The following OR51Q1 variants were observed in gnomAD, a reference collection of about 807,000 sequenced individuals.
OR51Q1 encodes olfactory receptor family 51 subfamily Q member 1.
For missense variants in OR51Q1, 501 were observed against 397.1 expected (o/e 1.26, Z -2.22); for synonymous variants, 187 against 151.7 (o/e 1.23, Z -1.71).
chr11:5,422,895 C>A lies in OR51Q1; in HGVS notation c.695C>A (p.Thr232Asn). Residue 232 changes from threonine (T) to asparagine (N), a missense_variant, in exon 1 of 1, where the codon ACC becomes AAC. Coordinates refer to ENST00000300778, the MANE Select transcript of OR51Q1 (RefSeq NM_001004757.2). ...CTGAAAAATATCTTGGGCACAGCCA[C>A]CTGGGCTGAGCGACTCCGTGCCCTC... ...LILKNILGTATWAERLRALNN... is the reference protein window; with the variant it reads ...LILKNILGTANWAERLRALNN... The A allele has an allele frequency of 1.2e-6, 2 of 1,614,080 alleles. No individual in the cohort carries two copies. The highest frequency in any genetic ancestry group is 1.1e-5 in the South Asian group (1 of 91,078).
In OR51Q1 at chr11:5,422,163, G is replaced by C; in HGVS notation, c.-38G>C. 2 of 1,423,948 alleles carry C rather than the reference G, an allele frequency of 1.4e-6. No homozygotes were observed. Among genetic ancestry groups the C allele is most frequent in the Non-Finnish European group, 1.9e-6 (2 of 1,037,270 alleles). The allele number at this position is 1,423,948 out of a possible 1,614,324, so 88.2% of individuals were successfully genotyped here. A position where few individuals can be genotyped will look rare whatever the true frequency, so the allele number is the denominator to read the frequency against. On this transcript the variant is annotated 5_prime_UTR_variant, in exon 1 of 1. An upstream open reading frame in the 5' UTR loses its in-frame stop. Coordinates refer to ENST00000300778, the MANE Select transcript of OR51Q1 (RefSeq NM_001004757.2). ...ATTTCTAATGTTTCTTTTTCTCCCT[G>C]AGTGAAGATCCTGAATCTGAAGACA... is the stretch of plus-strand genomic sequence containing the variant.
In OR51Q1 at chr11:5,422,552, C is replaced by T. The variant is rs1167955092; in HGVS notation, c.352C>T (p.Leu118=). 3 of 1,614,154 alleles carry T rather than the reference C, an allele frequency of 1.9e-6. No individual in the cohort carries two copies. The highest frequency in any genetic ancestry group is 2.2e-5 in the South Asian group (2 of 91,072). Reference sequence around the variant, plus strand: ...CTCCTTTATGGAGTCTTCTGTCCTCCTGGCTATGTCCGTTGACTGCTATGT... The same window carrying T: ...CTCCTTTATGGAGTCTTCTGTCCTCTTGGCTATGTCCGTTGACTGCTATGT... ...GFSFMESSVL[L]AMSVDCYVAI... Residue 118 remains leucine, a synonymous_variant, in exon 1 of 1, where the codon CTG becomes TTG. Transcript: ENST00000300778.
chr11:5,423,076 C>T lies in OR51Q1; in HGVS notation c.876C>T (p.Ile292=), dbSNP rs1850381312. ...YLLAPPVMNP[I]IYSVKNKQIQ... ...TGGCACCCCCGGTGATGAACCCCAT[C>T]ATTTACAGTGTAAAGAACAAGCAGA... Residue 292 remains isoleucine, a synonymous_variant, in exon 1 of 1, where the codon ATC becomes ATT. Transcript: ENST00000300778. 1 of 1,614,016 alleles carries T rather than the reference C, an allele frequency of 6.2e-7. No individual in the cohort carries two copies. Among genetic ancestry groups the T allele is most frequent in the Admixed American group, 1.7e-5 (1 of 60,006 alleles).
chr11:5,422,341 C>A lies in OR51Q1; in HGVS notation c.141C>A (p.Ile47=), dbSNP rs545260070. 3.7e-5 allele frequency: 59 copies of A among 1,614,174 alleles called. No individual in the cohort carries two copies. In the South Asian group the frequency reaches 6.3e-4, roughly 17 times the overall value. The change falls in exon 1 of 1, where the codon ATC becomes ATA. Residue 47 remains isoleucine, a synonymous_variant. Transcript: ENST00000300778. ...TCTCCATCATGGGCAATACCACCAT[C>A]CTCACTGTCATTCGCACAGAGCCAT... ...YTISIMGNTT[I]LTVIRTEPSV... is the part of the protein sequence containing the mutation.
chr11:5,423,201 A>C lies in OR51Q1; in HGVS notation c.*47A>C. 1 of 1,485,026 alleles carries C rather than the reference A, an allele frequency of 6.7e-7. No homozygotes were observed. The highest frequency in any genetic ancestry group is 9.0e-7 in the Non-Finnish European group (1 of 1,113,262). 92.0% of individuals were successfully genotyped at this position (1,485,026 alleles called of 1,614,324 possible). A position where few individuals can be genotyped will look rare whatever the true frequency, so the allele number is the denominator to read the frequency against. The stretch of plus-strand genomic sequence containing the variant: ...CTGACAAGTATGAGTCATAGGCTTA[A>C]GGGGGGAATATATTCAGAATTAGGA... On this transcript the variant is annotated 3_prime_UTR_variant, in exon 1 of 1. Transcript: ENST00000300778.
rs762716502 is a variant in OR51Q1 at position 5,423,054 on chromosome 11, C to T, written c.854C>T (p.Ala285Val). ...ATCATGGCCAATATCTACCTGCTGG[C>T]ACCCCCGGTGATGAACCCCATCATT... ...HVIMANIYLL[A>V]PPVMNPIIYS... Residue 285 changes from alanine to valine, a missense_variant, in exon 1 of 1, where the codon GCA becomes GTA. Transcript: ENST00000300778. 2 of 1,613,968 alleles carry T rather than the reference C, an allele frequency of 1.2e-6. No individual in the cohort carries two copies. Among genetic ancestry groups the T allele is most frequent in the South Asian group, 1.1e-5 (1 of 91,072 alleles).
Position 5,422,609 on chromosome 11 carries a change from A to G in OR51Q1, c.409A>G (p.Ile137Val). 3 of 1,614,092 alleles carry G rather than the reference A, an allele frequency of 1.9e-6. No homozygotes were observed. The highest frequency in any genetic ancestry group is 2.5e-6 in the Non-Finnish European group (3 of 1,179,990). ...CTGCTGTCCCCTCCATTATGCCTCC[A>G]TCCTCACCAATGAAGTCATTGGTAG... is the stretch of plus-strand genomic sequence containing the variant. ...AICCPLHYAS[I>V]LTNEVIGRTG... Residue 137 changes from isoleucine (I) to valine (V), a missense_variant, in exon 1 of 1, where the codon ATC (isoleucine) becomes GTC (valine). Coordinates refer to ENST00000300778, the MANE Select transcript of OR51Q1 (RefSeq NM_001004757.2).
In OR51Q1 at chr11:5,422,830, C is replaced by G; in HGVS notation, c.630C>G (p.Ile210Met). The change falls in exon 1 of 1, where the codon ATC becomes ATG. Residue 210 changes from isoleucine to methionine, a missense_variant. Ile to Met is a conservative substitution (Grantham distance 10). Coordinates refer to ENST00000300778, the MANE Select transcript of OR51Q1 (RefSeq NM_001004757.2). ...TTGCTCTTGCCTTGCTCATTATTAT[C>G]GTGGATCCTCTGCTCATTGTGATCT... ...YGFALALLIIIVDPLLIVISY... is the reference protein window; with the variant it reads ...YGFALALLIIMVDPLLIVISY... 2 of 1,614,132 alleles carry G rather than the reference C, an allele frequency of 1.2e-6. No homozygotes were observed. The highest frequency in any genetic ancestry group is 1.7e-6 in the Non-Finnish European group (2 of 1,180,022).
chr11:5,422,935 C>T lies in OR51Q1; in HGVS notation c.735C>T (p.Ser245=), dbSNP rs755190962. The T allele has an allele frequency of 1.2e-6, 2 of 1,614,040 alleles. No homozygotes were observed. The highest frequency in any genetic ancestry group is 1.7e-6 in the Non-Finnish European group (2 of 1,179,962). Reference sequence around the variant, plus strand: ...TCCGTGCCCTCAATAACTGCCTGTCCCACATTCTAGCTGTCCTGGTCCTCT... The same window carrying T: ...TCCGTGCCCTCAATAACTGCCTGTCTCACATTCTAGCTGTCCTGGTCCTCT... The part of the protein sequence containing the change: ...ERLRALNNCL[S]HILAVLVLYI... Residue 245 remains serine (S), a synonymous_variant, in exon 1 of 1, where the codon TCC becomes TCT. Transcript: ENST00000300778.
Position 5,422,868 on chromosome 11 carries a change from T to C in OR51Q1, c.668T>C (p.Ile223Thr), listed in dbSNP as rs1421676563. The change falls in exon 1 of 1, where the codon ATT becomes ACT. Residue 223 changes from isoleucine to threonine, a missense_variant. Ile to Thr is a moderately conservative substitution (Grantham distance 89). Transcript: ENST00000300778. ...PLLIVISYTL[I>T]LKNILGTATW... The stretch of plus-strand genomic sequence containing the variant: ...CTCATTGTGATCTCCTATACACTTA[T>C]TCTGAAAAATATCTTGGGCACAGCC... 6.2e-7 allele frequency: 1 copy of C among 1,614,172 alleles called. No homozygotes were observed. Among genetic ancestry groups the C allele is most frequent in the Admixed American group, 1.7e-5 (1 of 60,022 alleles).
In OR51Q1 at chr11:5,423,030, T is replaced by C. The variant is rs558645887; in HGVS notation, c.830T>C (p.Ile277Thr). 1 of 1,614,084 alleles carries C rather than the reference T, an allele frequency of 6.2e-7. No homozygotes were observed. The highest frequency in any genetic ancestry group is 1.1e-5 in the South Asian group (1 of 91,084). ...CATGCCTCTCCACTGGTCCATGTTA[T>C]CATGGCCAATATCTACCTGCTGGCA... The part of the protein sequence containing the change: ...AKHASPLVHV[I>T]MANIYLLAPP... The change falls in exon 1 of 1, where the codon ATC becomes ACC. Residue 277 changes from isoleucine (I) to threonine (T), a missense_variant. Ile to Thr is a moderately conservative substitution (Grantham distance 89). Transcript: ENST00000300778.
At position 5,422,899 on chromosome 11, in the gene OR51Q1, G is replaced by A; in HGVS notation, c.699G>A (p.Trp233Ter). Residue 233 changes from tryptophan (W) to a stop codon, truncating the protein, a stop_gained, in exon 1 of 1, where the codon TGG (tryptophan) becomes TGA (stop). Coordinates refer to ENST00000300778, the MANE Select transcript of OR51Q1 (RefSeq NM_001004757.2). LOFTEE classifies it low-confidence loss of function (END_TRUNC). The part of the protein sequence containing the change: ...ILKNILGTAT[W>*]AERLRALNNC... Reference sequence around the variant, plus strand: ...AAAATATCTTGGGCACAGCCACCTGGGCTGAGCGACTCCGTGCCCTCAATA... The same window carrying A: ...AAAATATCTTGGGCACAGCCACCTGAGCTGAGCGACTCCGTGCCCTCAATA... 1 of 1,614,026 alleles carries A rather than the reference G, an allele frequency of 6.2e-7. No homozygotes were observed. Among genetic ancestry groups the A allele is most frequent in the Non-Finnish European group, 8.5e-7 (1 of 1,179,996 alleles).
rs565413124 is a variant in OR51Q1, at chr11:5,422,732, C to T, written c.532C>T (p.Arg178Cys). The T allele has an allele frequency of 4.3e-6, 7 of 1,614,036 alleles. No homozygotes were observed. Among genetic ancestry groups the T allele is most frequent in the Middle Eastern group, 1.6e-4 (1 of 6,062 alleles). The change falls in exon 1 of 1, where the codon CGC (arginine) becomes TGC (cysteine). Residue 178 changes from arginine to cysteine, a missense_variant. Transcript: ENST00000300778. ...TTTCTGCCACTCCCACCTTCTCTCT[C>T]GCTCCTATTGCCTCCACCAGGATAT... is the stretch of plus-strand genomic sequence containing the variant. Reference protein sequence around the residue: ...LPFCHSHLLSRSYCLHQDMIR... With the variant: ...LPFCHSHLLSCSYCLHQDMIR...
At position 5,422,601 on chromosome 11, in the gene OR51Q1, A is replaced by T. The variant is rs1850362746; in HGVS notation, c.401A>T (p.Tyr134Phe). 1 of 1,613,824 alleles carries T rather than the reference A, an allele frequency of 6.2e-7. No homozygotes were observed. Among genetic ancestry groups the T allele is most frequent in the Admixed American group, 1.7e-5 (1 of 59,990 alleles). The change falls in exon 1 of 1, where the codon TAT (tyrosine) becomes TTT (phenylalanine). Residue 134 changes from tyrosine (Y) to phenylalanine (F), a missense_variant. By Grantham distance (22) the Tyr-to-Phe change is conservative. Coordinates refer to ENST00000300778, the MANE Select transcript of OR51Q1 (RefSeq NM_001004757.2). ...GTGGCCATCTGCTGTCCCCTCCATT[A>T]TGCCTCCATCCTCACCAATGAAGTC... ...CYVAICCPLH[Y>F]ASILTNEVIG...
rs928713890 is a variant in OR51Q1 at position 5,422,530 on chromosome 11, C to G, written c.330C>G (p.Ser110=). The G allele has an allele frequency of 2.5e-6, 4 of 1,614,032 alleles. No homozygotes were observed. In the African/African-American group the frequency reaches 5.3e-5, roughly 22 times the overall value. ...FAQFFFLHGF[S]FMESSVLLAM... is the part of the protein sequence containing the mutation. ...AGTTTTTCTTCCTTCATGGATTCTC[C>G]TTTATGGAGTCTTCTGTCCTCCTGG... The change falls in exon 1 of 1, where the codon TCC becomes TCG. Residue 110 remains serine, a synonymous_variant. Coordinates refer to ENST00000300778, the MANE Select transcript of OR51Q1 (RefSeq NM_001004757.2).
At position 5,422,849 on chromosome 11, in the gene OR51Q1, G is replaced by C. The variant is rs200365005; in HGVS notation, c.649G>C (p.Val217Leu). ...LIIIVDPLLI[V>L]ISYTLILKNI... ...TATTATCGTGGATCCTCTGCTCATTGTGATCTCCTATACACTTATTCTGAA... is the reference window on the plus strand; with the variant it reads ...TATTATCGTGGATCCTCTGCTCATTCTGATCTCCTATACACTTATTCTGAA... Residue 217 changes from valine (V) to leucine (L), a missense_variant, in exon 1 of 1, where the codon GTG becomes CTG. Coordinates refer to ENST00000300778, the MANE Select transcript of OR51Q1 (RefSeq NM_001004757.2). 3 of 1,614,114 alleles carry C rather than the reference G, an allele frequency of 1.9e-6. No homozygotes were observed. Among genetic ancestry groups the C allele is most frequent in the Non-Finnish European group, 2.5e-6 (3 of 1,180,028 alleles).
Position 5,422,644 on chromosome 11 carries a change from A to C in OR51Q1, c.444A>C (p.Leu148Phe), listed in dbSNP as rs1229720697. ...ATGAAGTCATTGGTAGAACTGGGTT[A>C]GCCATCATTTGCTGCTGTGTTCTGG... The part of the protein sequence containing the change: ...LTNEVIGRTG[L>F]AIICCCVLAV... The change falls in exon 1 of 1, where the codon TTA becomes TTC. Residue 148 changes from leucine to phenylalanine, a missense_variant. Leu to Phe is a conservative substitution (Grantham distance 22, BLOSUM62 0). Transcript: ENST00000300778. 1 of 1,614,084 alleles carries C rather than the reference A, an allele frequency of 6.2e-7. No homozygotes were observed.
chr11:5,422,537 G>A lies in OR51Q1; in HGVS notation c.337G>A (p.Glu113Lys). 2.5e-6 allele frequency: 4 copies of A among 1,614,106 alleles called. No individual in the cohort carries two copies. Among genetic ancestry groups the A allele is most frequent in the Non-Finnish European group, 3.4e-6 (4 of 1,179,994 alleles). ...FFFLHGFSFM[E>K]SSVLLAMSVD... ...CTTCCTTCATGGATTCTCCTTTATG[G>A]AGTCTTCTGTCCTCCTGGCTATGTC... The change falls in exon 1 of 1, where the codon GAG (glutamate) becomes AAG (lysine). Residue 113 changes from glutamate to lysine, a missense_variant. Coordinates refer to ENST00000300778, the MANE Select transcript of OR51Q1 (RefSeq NM_001004757.2).
In OR51Q1 at chr11:5,422,988, C is replaced by T; in HGVS notation, c.788C>T (p.Thr263Ile). Residue 263 changes from threonine to isoleucine, a missense_variant, in exon 1 of 1, where the codon ACT becomes ATT. Physicochemically the swap from Thr to Ile is moderately conservative, Grantham distance 89. Transcript: ENST00000300778. ...ATTCCCATGGTTGGTGTATCTATGACTCATCGCTTTGCCAAGCATGCCTCT... is the reference window on the plus strand; with the variant it reads ...ATTCCCATGGTTGGTGTATCTATGATTCATCGCTTTGCCAAGCATGCCTCT... ...LYIPMVGVSM[T>I]HRFAKHASPL... 6.2e-6 allele frequency: 10 copies of T among 1,614,150 alleles called. No homozygotes were observed. The highest frequency in any genetic ancestry group is 8.5e-6 in the Non-Finnish European group (10 of 1,180,018).
Sources: gnomAD v4.1 joint callset for allele counts on GRCh38, gnomAD v4.1.1 for gene constraint, MANE v1.5 for transcripts, NCBI Gene and HGNC (gene_info 2026-07-23, HGNC 2026-07-21) for gene names.